Variants in FHIT observed in about 807,000 individuals in gnomAD.
FHIT encodes bis(5'-adenosyl)-triphosphatase.
FHIT carries 19 observed loss-of-function variants against 17.9 expected under a neutral mutation model. The observed-to-expected ratio is 1.06, with a 90% CI of 0.74 to 1.56. FHIT has a LOEUF of 1.56. Among genes scored for constraint, FHIT ranks in the 40% most tolerant of loss-of-function variants. FHIT has a pLI of 0.00. For synonymous variants in FHIT, 81 were observed against 69.7 expected (o/e 1.16, Z -0.81); for missense variants, 248 against 189.2 (o/e 1.31, Z -1.82).
intron 8 of FHIT, among the ~76,000 whole-genome samples, chr3:59,881,717 A>G (rs1703417362): frequency 6.6e-6 from 1 of 152,240 alleles, no homozygotes. Context: ...TAAGTTTAAT[A>G]CAAGAAGAGG....
At chr3:60,118,957 G>A (rs909930688) in intron 5 of FHIT, among the ~76,000 whole-genome samples, 1 of 151,362 alleles carries the variant, frequency 6.6e-6, no homozygotes, top group African/African-American at 2.4e-5. Context: ...GGAGGCGGAG[G>A]TTGCAGTGAG....
intron 4 of FHIT, among the ~76,000 whole-genome samples, chr3:60,754,877 T>C (rs2042542489): frequency 6.6e-6 from 1 of 152,218 alleles, no homozygotes; most frequent in South Asian, 2.1e-4. Context: ...TAGCTCTTGC[T>C]AACTATAACT....
intron 8 of FHIT, among the ~76,000 whole-genome samples, chr3:59,786,339 C>T (rs1326186445): frequency 2.0e-5 from 3 of 152,210 alleles, no homozygotes; most frequent in Admixed American, 6.5e-5. Flanking sequence ...GCTGGCAAGA[C>T]ATGGGCTTGC....
intron 7 of FHIT, among the ~76,000 whole-genome samples, chr3:59,953,713 C>G (rs568894906): frequency 6.6e-5 from 10 of 152,308 alleles, no homozygotes; most frequent in African/African-American, 2.4e-4. Context: ...ACCTAGCACA[C>G]CAAACCTTTC....
At chr3:60,330,966 C>G (rs911342823) in intron 5 of FHIT, among the ~76,000 whole-genome samples, 12 of 152,182 alleles carry the variant, frequency 7.9e-5, no homozygotes, top group Admixed American at 5.2e-4. Context: ...AGCCAGACCT[C>G]CATTTCTAAG....
intron 7 of FHIT, among the ~76,000 whole-genome samples, chr3:59,925,211 C>T (rs1373312154): frequency 6.6e-6 from 1 of 152,094 alleles, no homozygotes; most frequent in African/African-American, 2.4e-5. Context: ...TCAAGAGATC[C>T]TCCTGCCTCA....
intron 8 of FHIT, among the ~76,000 whole-genome samples, chr3:59,775,197 C>T (rs1479066294): frequency 6.6e-6 from 1 of 152,114 alleles, no homozygotes; most frequent in African/African-American, 2.4e-5. Context: ...CCGATCAGGT[C>T]CTGGGGGTGT....
chr3:60,227,903 T>C (rs1440201548), intron 5 of FHIT, among the ~76,000 whole-genome samples: 1 of 152,232 alleles, frequency 6.6e-6, no homozygotes, highest in Non-Finnish European at 1.5e-5. Context: ...TGATGGATTT[T>C]ATCAAAAAGT....
At chr3:60,862,668 G>C (rs764251365) in intron 3 of FHIT, among the ~76,000 whole-genome samples, 1 of 151,888 alleles carries the variant, frequency 6.6e-6, no homozygotes, top group Non-Finnish European at 1.5e-5. Flanking sequence ...TGGCCAATAT[G>C]GTGAAACCCC....
chr3:60,595,829 G>C (rs576301238), intron 4 of FHIT, among the ~76,000 whole-genome samples: 1 of 151,942 alleles, frequency 6.6e-6, no homozygotes, highest in Admixed American at 6.6e-5. Flanking sequence ...TAAGAGATGG[G>C]GTCTTGCTGT....
chr3:60,986,703 G>A (rs924443400), intron 3 of FHIT, among the ~76,000 whole-genome samples: 2 of 152,102 alleles, frequency 1.3e-5, no homozygotes, highest in African/African-American at 2.4e-5. Flanking sequence ...CATGGGCTCT[G>A]GATGTCAGAG....
At chr3:60,315,698 T>C (rs1239459868) in intron 5 of FHIT, among the ~76,000 whole-genome samples, 1 of 152,236 alleles carries the variant, frequency 6.6e-6, no homozygotes. Flanking sequence ...CTGCTGCTGC[T>C]GATGGATATT....
chr3:60,825,198 TGGG>T (rs1702071420), intron 3 of FHIT, among the ~76,000 whole-genome samples: 1 of 152,140 alleles, frequency 6.6e-6, no homozygotes, highest in Non-Finnish European at 1.5e-5. Flanking sequence ...TAACTCTTCT[TGGG>T]GGGTATACCA....
At chr3:59,894,849 T>C (rs190109770) in intron 8 of FHIT, among the ~76,000 whole-genome samples, 1 of 152,292 alleles carries the variant, frequency 6.6e-6, no homozygotes, top group African/African-American at 2.4e-5. Flanking sequence ...GAAACCTTGG[T>C]TTCATCCCAA....
At chr3:60,919,320 C>A (rs1224245603) in intron 3 of FHIT, among the ~76,000 whole-genome samples, 2 of 151,634 alleles carry the variant, frequency 1.3e-5, no homozygotes, top group African/African-American at 4.9e-5. Flanking sequence ...TTTCATTATA[C>A]AAACTTAAAC....
chr3:60,676,413 C>T (rs115807682), intron 4 of FHIT, among the ~76,000 whole-genome samples: 1 of 152,268 alleles, frequency 6.6e-6, no homozygotes, highest in African/African-American at 2.4e-5. Flanking sequence ...GTTGGAAGGG[C>T]AGGTGGATGA....
In FHIT at chr3:61,191,846, T is replaced by A. The variant is rs578262536; in HGVS notation, c.-164+8771A>T. On this transcript the variant is annotated intron_variant, in intron 2 of 9. Transcript: ENST00000492590. The stretch of plus-strand genomic sequence containing the variant: ...CATGCCGGCCAAATTGTATTTTCTA[T>A]GTGCACCATAACAAGAACAAAGTTG... Among the ~76,000 whole-genome samples the A allele has an allele frequency of 3.3e-5, 5 of 152,128 alleles. No individual in the cohort carries two copies. In the East Asian group the frequency reaches 9.7e-4, roughly 30 times the overall value.
intron 4 of FHIT, among the ~76,000 whole-genome samples, chr3:60,616,434 A>T (rs991905310): frequency 6.6e-5 from 10 of 152,138 alleles, no homozygotes; most frequent in Non-Finnish European, 1.5e-4. Context: ...CTTTTTTAAA[A>T]TTTTTTTAAT....
intron 5 of FHIT, among the ~76,000 whole-genome samples, chr3:60,298,420 T>C (rs368556562): frequency 1.3e-5 from 2 of 152,182 alleles, no homozygotes; most frequent in East Asian, 1.9e-4. Context: ...ATTTCACAAG[T>C]TTTAGGAATT....
Sources: gnomAD v4.1 joint callset for allele counts (sites outside exome capture counted in the v4.1 genomes callset) on GRCh38, gnomAD v4.1.1 for gene constraint, MANE v1.5 for transcripts, NCBI Gene and HGNC (gene_info 2026-07-23, HGNC 2026-07-21) for gene names.